GRAMD2B: variants seen among roughly 807,000 people sequenced by gnomAD.
GRAMD2B encodes the protein GRAM domain-containing protein 2B.
GRAMD2B carries 41 observed loss-of-function variants against 59.2 expected under a neutral mutation model. The observed-to-expected ratio is 0.69, with a 90% CI of 0.54 to 0.90. GRAMD2B has a LOEUF of 0.90. Among genes scored for constraint, GRAMD2B ranks in the 40% least tolerant of loss-of-function variants. The pLI is 0.00. For synonymous variants in GRAMD2B, 161 were observed against 182.7 expected (o/e 0.88, Z 0.96); for missense variants, 424 against 500.5 (o/e 0.85, Z 1.46).
intron 2 of GRAMD2B, chr5:126,467,669 T>C (rs1311717564): frequency 6.6e-6 from 1 of 152,250 alleles, no homozygotes; most frequent in African/African-American, 2.4e-5. Flanking sequence ...TTGACATTTG[T>C]ACAGATAATT....
At chr5:126,411,061 G>T (rs1261931072) in intron 1 of GRAMD2B, among the ~76,000 whole-genome samples, 3 of 152,008 alleles carry the variant, frequency 2.0e-5, no homozygotes, top group Non-Finnish European at 4.4e-5. Context: ...TCTGTAAGTT[G>T]TCTGTGTACT....
At chr5:126,466,047 C>A (rs1020384155) in intron 2 of GRAMD2B, among the ~76,000 whole-genome samples, 1 of 152,224 alleles carries the variant, frequency 6.6e-6, no homozygotes, top group Non-Finnish European at 1.5e-5. Flanking sequence ...TCATCTTTCT[C>A]AGAGGCACCA....
chr5:126,402,262 G>A (rs1757905139), intron 1 of GRAMD2B, among the ~76,000 whole-genome samples: 1 of 152,056 alleles, frequency 6.6e-6, no homozygotes, highest in African/African-American at 2.4e-5. Context: ...GTGGAAAAAG[G>A]AAAAGTGGAA....
chr5:126,470,191 A>G (rs1422590577), intron 3 of GRAMD2B, among the ~76,000 whole-genome samples: 1 of 152,218 alleles, frequency 6.6e-6, no homozygotes. Flanking sequence ...CAGAGGAGTT[A>G]GACCTTTGAA....
intron 8 of GRAMD2B, among the ~76,000 whole-genome samples, chr5:126,481,437 T>C (rs766636062): frequency 6.6e-6 from 1 of 152,134 alleles, no homozygotes; most frequent in Non-Finnish European, 1.5e-5. Context: ...TTATAAATAT[T>C]CTACATTAGT....
intron 2 of GRAMD2B, 98 bp from the exon 3 acceptor site, chr5:126,469,579 G>T: frequency 3.8e-6 from 3 of 787,478 alleles, no homozygotes; most frequent in Non-Finnish European, 6.5e-6. Context: ...AGGTTGCAGT[G>T]AACCGTGATC....
intron 8 of GRAMD2B, 121 bp downstream of exon 8, chr5:126,480,828 G>A: frequency 1.3e-6 from 1 of 792,174 alleles, no homozygotes; most frequent in South Asian, 1.6e-5. Flanking sequence ...TTGAGGTACA[G>A]TTGAAGAAAC....
At chr5:126,388,649 C>T (rs1458331901) in intron 1 of GRAMD2B, among the ~76,000 whole-genome samples, 1 of 150,908 alleles carries the variant, frequency 6.6e-6, no homozygotes, top group East Asian at 1.9e-4. Context: ...AAGACGATCA[C>T]GTTGTATAAG....
At chr5:126,443,918 G>C (rs1035703524) in intron 1 of GRAMD2B, among the ~76,000 whole-genome samples, 4 of 152,108 alleles carry the variant, frequency 2.6e-5, no homozygotes, top group Admixed American at 2.0e-4. Context: ...TGGACGTGGT[G>C]GTGGGCGCCT....
At chr5:126,396,285 C>A (rs1340486880) in intron 1 of GRAMD2B, among the ~76,000 whole-genome samples, 1 of 152,040 alleles carries the variant, frequency 6.6e-6, no homozygotes, top group Non-Finnish European at 1.5e-5. Context: ...AGGTATTAAG[C>A]CTAGTACTCA....
At chr5:126,433,392 G>A (rs1326859143) in intron 1 of GRAMD2B, 2 of 152,172 alleles carry the variant, frequency 1.3e-5, no homozygotes, top group Non-Finnish European at 2.9e-5. Flanking sequence ...CTAGATTTAC[G>A]AAGGGCAAAG....
intron 1 of GRAMD2B, among the ~76,000 whole-genome samples, chr5:126,447,548 C>CA (rs1764494179): frequency 6.6e-6 from 1 of 151,850 alleles, no homozygotes; most frequent in African/African-American, 2.4e-5. Context: ...CCTGTAGTCC[C>CA]AGCTACTCAG....
At chr5:126,408,484 T>A (rs1758457098) in intron 1 of GRAMD2B, among the ~76,000 whole-genome samples, 1 of 151,928 alleles carries the variant, frequency 6.6e-6, no homozygotes, top group African/African-American at 2.4e-5. Flanking sequence ...GATTGCTGAG[T>A]CAAAATGGTA....
At chr5:126,433,577 T>C (rs1194071539) in intron 1 of GRAMD2B, 4 of 152,246 alleles carry the variant, frequency 2.6e-5, no homozygotes, top group Non-Finnish European at 5.9e-5. Context: ...AATTAAGCAC[T>C]TGTGCTTTCT....
intron 1 of GRAMD2B, among the ~76,000 whole-genome samples, chr5:126,360,695 G>A (rs890306258): frequency 6.6e-6 from 1 of 152,122 alleles, no homozygotes; most frequent in Admixed American, 6.5e-5. Context: ...TTGCTTATAG[G>A]TGTATTGCAC....
At chr5:126,444,189 G>T (rs1054332879) in intron 1 of GRAMD2B, among the ~76,000 whole-genome samples, 1 of 152,188 alleles carries the variant, frequency 6.6e-6, no homozygotes, top group African/African-American at 2.4e-5. Flanking sequence ...AGGGGCCAGG[G>T]TGGTGGCAAG....
At position 126,477,786 on chromosome 5, in the gene GRAMD2B, G is replaced by C; in HGVS notation, c.581G>C (p.Arg194Thr). 1 of 1,592,454 alleles carries C rather than the reference G, an allele frequency of 6.3e-7. No homozygotes were observed. The highest frequency in any genetic ancestry group is 1.1e-5 in the South Asian group (1 of 90,644). ...CTGATCATAGCAACAGTCACAGACA[G>C]GGTGAGTATGCAGCCGAGCGAGGGC... ...NALIIATVTD[R>T]YIFVSLLSRD... Residue 194 changes from arginine to threonine, a missense_variant and splice_region_variant, in exon 6 of 14, where the codon AGG becomes ACG. By Grantham distance (71) the Arg-to-Thr change is moderately conservative. Transcript: ENST00000285689.
At chr5:126,362,692 T>C (rs895875897) in intron 1 of GRAMD2B, among the ~76,000 whole-genome samples, 5 of 152,226 alleles carry the variant, frequency 3.3e-5, no homozygotes, top group African/African-American at 1.2e-4. Flanking sequence ...CACTAACATT[T>C]ATGGTTAATT....
At chr5:126,387,547 ATATATTTATG>A (rs1172472056) in intron 1 of GRAMD2B, among the ~76,000 whole-genome samples, 1 of 150,974 alleles carries the variant, frequency 6.6e-6, no homozygotes, top group East Asian at 1.9e-4. Flanking sequence ...CAAGAAATAT[ATATATTTATG>A]TATTTATAAT....
Sources: gnomAD v4.1 joint callset for allele counts (sites outside exome capture counted in the v4.1 genomes callset) on GRCh38, gnomAD v4.1.1 for gene constraint, MANE v1.5 for transcripts, NCBI Gene and HGNC (gene_info 2026-07-23, HGNC 2026-07-21) for gene names.